The following NPHS2 variants were observed in gnomAD, a reference collection of about 807,000 sequenced individuals.
The protein encoded by NPHS2 is NPHS2 stomatin family member, podocin.
In NPHS2, 36 loss-of-function variants were observed where a neutral mutation model predicts 37.1. That is an observed-to-expected ratio of 0.97 (90% CI 0.74 to 1.28). The LOEUF is 1.28. NPHS2 is among the 50% of genes most tolerant of loss of function. NPHS2 has a pLI of 0.00. For synonymous variants in NPHS2, 196 were observed against 189.3 expected (o/e 1.04, Z -0.29); for missense variants, 447 against 488.1 (o/e 0.92, Z 0.79).
At chr1:179,564,039 A>G (rs1351343040) in intron 2 of NPHS2, among the ~76,000 whole-genome samples, 2 of 152,168 alleles carry the variant, frequency 1.3e-5, no homozygotes, top group African/African-American at 2.4e-5. Flanking sequence ...TGGGCTGGCC[A>G]ATGCTTTCTC....
In NPHS2 at chr1:179,551,380, G is replaced by C; in HGVS notation, c.945C>G (p.Thr315=). The stretch of plus-strand genomic sequence containing the variant: ...GGTATCGAAGCTGAACGGCAGCAGG[G>C]GTGCCTGACAGAATCTCAGCTGCCA... ...LRMAAEILSG[T]PAAVQLRYLH... The change falls in exon 8 of 8, where the codon ACC becomes ACG. Residue 315 remains threonine (T), a synonymous_variant. Transcript: ENST00000367615. 6.2e-7 allele frequency: 1 copy of C among 1,614,078 alleles called. No homozygotes were observed. The highest frequency in any genetic ancestry group is 2.2e-5 in the East Asian group (1 of 44,884).
chr1:179,555,721 G>C (rs1162297725), intron 5 of NPHS2, among the ~76,000 whole-genome samples: 1 of 152,208 alleles, frequency 6.6e-6, no homozygotes, highest in Non-Finnish European at 1.5e-5. Flanking sequence ...GAGCATAAAA[G>C]TGCTGAATGC....
At chr1:179,554,792 G>T in intron 5 of NPHS2, 1 of 537,678 alleles carries the variant, frequency 1.9e-6, no homozygotes, top group Admixed American at 3.1e-5. Context: ...CTAATCCCTG[G>T]AATCTGTGAA....
chr1:179,575,908 A>G lies in NPHS2; in HGVS notation c.-44T>C, dbSNP rs1421615660. On this transcript the variant is annotated 5_prime_UTR_variant, in exon 1 of 8. Coordinates refer to ENST00000367615, the MANE Select transcript of NPHS2 (RefSeq NM_014625.4). ...GCTGGAGCAGCAGCGCGGGAGCGCT[A>G]GGGGCACGGGAGCGCAGTCCCTGTG... is the stretch of plus-strand genomic sequence containing the variant. 21 of 1,368,382 alleles carry G rather than the reference A, an allele frequency of 1.5e-5. No homozygotes were observed. Among genetic ancestry groups the G allele is most frequent in the Non-Finnish European group, 1.9e-5 (20 of 1,068,990 alleles). 84.8% of individuals were successfully genotyped at this position (1,368,382 alleles called of 1,614,324 possible).
In NPHS2 at chr1:179,551,198, T is replaced by C. The variant is rs529444645; in HGVS notation, c.1127A>G (p.Lys376Arg). 7 of 1,614,066 alleles carry C rather than the reference T, an allele frequency of 4.3e-6. No homozygotes were observed. In the Admixed American group the frequency reaches 8.3e-5, roughly 19 times the overall value. ...PSKPVEPLNPKKKDSPML is the reference protein window; with the variant it reads ...PSKPVEPLNPRKKDSPML ...CTATAACATGGGAGAGTCTTTCTTT[T>C]TAGGATTTAGTGGCTCAACAGGTTT... The change falls in exon 8 of 8, where the codon AAA becomes AGA. Residue 376 changes from lysine to arginine, a missense_variant. Transcript: ENST00000367615.
intron 1 of NPHS2, among the ~76,000 whole-genome samples, chr1:179,572,011 C>T (rs1292188006): frequency 6.6e-6 from 1 of 152,242 alleles, no homozygotes; most frequent in Non-Finnish European, 1.5e-5. Context: ...TCCCCCGACC[C>T]CTTGTGCTTC....
At chr1:179,554,623 AC>A in intron 5 of NPHS2, 92 bp from the exon 6 acceptor site, 3 of 1,539,808 alleles carry the variant, frequency 1.9e-6, no homozygotes, top group Non-Finnish European at 2.7e-6. Context: ...GTACTAAGGA[AC>A]AACATTCCCT....
chr1:179,559,339 T>C (rs1166027867), intron 4 of NPHS2, among the ~76,000 whole-genome samples: 1 of 152,248 alleles, frequency 6.6e-6, no homozygotes, highest in Non-Finnish European at 1.5e-5. Context: ...CAAATGATCA[T>C]GGCCTAGCCA....
chr1:179,566,132 G>A (rs1674325967), intron 1 of NPHS2, among the ~76,000 whole-genome samples: 1 of 152,252 alleles, frequency 6.6e-6, no homozygotes, highest in African/African-American at 2.4e-5. Flanking sequence ...AGATCCTTGA[G>A]GAATTGCCAC....
Position 179,557,576 on chromosome 1 carries a change from T to G in NPHS2, c.535-346A>C, listed in dbSNP as rs917436808. Among the ~76,000 whole-genome samples the G allele has an allele frequency of 4.1e-4, 62 of 152,222 alleles. 1 individual carries two copies. The highest frequency in any genetic ancestry group is 5.9e-4 in the Non-Finnish European group (40 of 68,036). On this transcript the variant is annotated intron_variant, in intron 4 of 7. Coordinates refer to ENST00000367615, the MANE Select transcript of NPHS2 (RefSeq NM_014625.4). Reference sequence around the variant, plus strand: ...ATGTTCTGGGAAACAAGCACTCTAATGTGTTGCTCGCTAGAGTGTACGTTA... The same window carrying G: ...ATGTTCTGGGAAACAAGCACTCTAAGGTGTTGCTCGCTAGAGTGTACGTTA...
chr1:179,575,850 C>T lies in NPHS2; in HGVS notation c.15G>A (p.Ala5=). The change falls in exon 1 of 8, where the codon GCG becomes GCA. Residue 5 remains alanine, a synonymous_variant. Transcript: ENST00000367615. ...CGCGGGACTCCCTGGAGGAGCTCCG[C>T]GCCCTCCTCTCCATCCTCAGAGCTG... The part of the protein sequence containing the change: MERR[A]RSSSRESRGR... The T allele has an allele frequency of 2.1e-6, 3 of 1,425,776 alleles. No homozygotes were observed. Among genetic ancestry groups the T allele is most frequent in the Non-Finnish European group, 1.8e-6 (2 of 1,098,784 alleles). The allele number at this position is 1,425,776 out of a possible 1,614,324, so 88.3% of individuals were successfully genotyped here.
intron 5 of NPHS2, 82 bp from the exon 6 acceptor site, chr1:179,554,613 G>A: frequency 1.3e-6 from 2 of 1,562,410 alleles, no homozygotes; most frequent in African/African-American, 2.7e-5. Flanking sequence ...CCATTGTTCT[G>A]TACTAAGGAA....
chr1:179,572,919 C>T (rs1181998846), intron 1 of NPHS2, among the ~76,000 whole-genome samples: 1 of 152,056 alleles, frequency 6.6e-6, no homozygotes, highest in African/African-American at 2.4e-5. Flanking sequence ...TCTGCATCCT[C>T]GGCCTCCTGG....
chr1:179,561,038 T>C (rs150020589), intron 3 of NPHS2, among the ~76,000 whole-genome samples: 1 of 152,360 alleles, frequency 6.6e-6, no homozygotes, highest in East Asian at 1.9e-4. Flanking sequence ...CTAAGCTAAC[T>C]TGCTATTCCA....
At chr1:179,573,233 G>A (rs1412366934) in intron 1 of NPHS2, among the ~76,000 whole-genome samples, 2 of 152,188 alleles carry the variant, frequency 1.3e-5, no homozygotes, top group Non-Finnish European at 2.9e-5. Context: ...AAATTGATGT[G>A]CAGATCACTT....
chr1:179,561,269 A>G lies in NPHS2; in HGVS notation c.451+20T>C. 1 of 1,598,568 alleles carries G rather than the reference A, an allele frequency of 6.3e-7. No homozygotes were observed. On this transcript the variant is annotated intron_variant, in intron 3 of 7. Transcript: ENST00000367615. ...CAAGTCAGGAGAGAGGTGTTTAGAA[A>G]AAAAAGAGTGTTTTTTTACCAGGGC...
chr1:179,571,630 C>T (rs1674563394), intron 1 of NPHS2, among the ~76,000 whole-genome samples: 1 of 152,230 alleles, frequency 6.6e-6, no homozygotes, highest in African/African-American at 2.4e-5. Context: ...TTTAAGTCTG[C>T]AGAAGTTGTT....
chr1:179,554,635 T>C, intron 5 of NPHS2, 104 bp from the exon 6 acceptor site: 2 of 1,490,774 alleles, frequency 1.3e-6, no homozygotes, highest in South Asian at 2.3e-5. Context: ...AACATTCCCT[T>C]TGAAAGGACA....
chr1:179,560,080 T>A (rs1674079418), intron 3 of NPHS2, among the ~76,000 whole-genome samples: 1 of 152,216 alleles, frequency 6.6e-6, no homozygotes, highest in Non-Finnish European at 1.5e-5. Context: ...AGTAGTGTCC[T>A]ATGCACTATT....
Sources: gnomAD v4.1 joint callset for allele counts (sites outside exome capture counted in the v4.1 genomes callset) on GRCh38, gnomAD v4.1.1 for gene constraint, MANE v1.5 for transcripts, NCBI Gene and HGNC (gene_info 2026-07-23, HGNC 2026-07-21) for gene names.